The following FAM78B variants were observed in gnomAD, a reference collection of about 807,000 sequenced individuals.
The protein encoded by FAM78B is protein FAM78B.
FAM78B carries 10 observed loss-of-function variants against 20.0 expected under a neutral mutation model. That is an observed-to-expected ratio of 0.50 (90% CI 0.31 to 0.85). FAM78B has a LOEUF of 0.85. Among genes scored for constraint, FAM78B ranks in the 40% least tolerant of loss-of-function variants. The pLI, the probability that FAM78B is intolerant of heterozygous loss-of-function variation, is 0.05. For missense variants in FAM78B, 283 were observed against 345.0 expected (o/e 0.82, Z 1.42); for synonymous variants, 135 against 132.8 (o/e 1.02, Z -0.12).
Position 166,126,591 on chromosome 1 carries a change from C to G in FAM78B, c.263+39395G>C, listed in dbSNP as rs976853617. 2.6e-5 allele frequency among the ~76,000 whole-genome samples: 4 copies of G among 152,020 alleles called. No individual in the cohort carries two copies. In the East Asian group the frequency reaches 7.7e-4, roughly 29 times the overall value. On this transcript the variant is annotated intron_variant, in intron 1 of 1. Coordinates refer to ENST00000354422, the MANE Select transcript of FAM78B (RefSeq NM_001017961.5). ...CTGGGCAAAGGTCTAAAAGTGAGAG[C>G]ATGCTGGGGTGCTCAGGGAGTGGTA...
chr1:166,165,970 G>A lies in FAM78B; in HGVS notation c.263+16C>T, dbSNP rs1656359912. The A allele has an allele frequency of 1.9e-6, 3 of 1,613,384 alleles. No homozygotes were observed. The African/African-American group carries it at 4.0e-5, about 22-fold the overall frequency. On this transcript the variant is annotated intron_variant, in intron 1 of 1. Coordinates refer to ENST00000354422, the MANE Select transcript of FAM78B (RefSeq NM_001017961.5). Reference sequence around the variant, plus strand: ...GGCCCAGAGTCCGCTCCCGTGCCGCGCGGCGAGTCGCTTACATGCCCAGGT... The same window carrying A: ...GGCCCAGAGTCCGCTCCCGTGCCGCACGGCGAGTCGCTTACATGCCCAGGT...
At chr1:166,062,829 T>C (rs182954798) in intron 2 of FAM78B, among the ~76,000 whole-genome samples, 64 of 152,368 alleles carry the variant, frequency 4.2e-4, no homozygotes, top group African/African-American at 1.5e-3. Flanking sequence ...ATTTTTCCAA[T>C]TAACATTTCA....
chr1:166,070,761 G>C lies in FAM78B; in HGVS notation c.266C>G (p.Ser89Ter). The C allele has an allele frequency of 6.4e-7, 1 of 1,551,146 alleles. No homozygotes were observed. Among genetic ancestry groups the C allele is most frequent in the Non-Finnish European group, 8.7e-7 (1 of 1,151,610 alleles). Reference protein sequence around the residue: ...FFNTYSDLGMSSWELPDLREG... With the variant: ...FFNTYSDLGM ...CCTCAAGTCAGGCAGTTCCCAGCTT[G>C]ACCTGGCAAAGCAGAAGACATGCAC... Residue 89 changes from serine to a stop codon, truncating the protein, a stop_gained and splice_region_variant, in exon 2 of 2, where the codon TCA (serine) becomes TGA (stop). Coordinates refer to ENST00000354422, the MANE Select transcript of FAM78B (RefSeq NM_001017961.5). LOFTEE classifies it high-confidence loss of function.
intron 1 of FAM78B, among the ~76,000 whole-genome samples, chr1:166,101,650 G>T (rs1304293378): frequency 6.6e-6 from 1 of 152,192 alleles, no homozygotes; most frequent in African/African-American, 2.4e-5. Flanking sequence ...TGAGAAGGAA[G>T]TTTAGAGAAA....
At chr1:166,126,429 G>T (rs1448509926) in intron 1 of FAM78B, among the ~76,000 whole-genome samples, 1 of 152,202 alleles carries the variant, frequency 6.6e-6, no homozygotes, top group Non-Finnish European at 1.5e-5. Flanking sequence ...GGGAGAAATA[G>T]TATGGATGAA....
downstream of FAM78B, among the ~76,000 whole-genome samples, chr1:166,069,119 T>A (rs1157705491): frequency 6.6e-6 from 1 of 152,182 alleles, no homozygotes; most frequent in Non-Finnish European, 1.5e-5. Context: ...AATAAATATA[T>A]ATAAAAATAT....
chr1:166,121,356 T>C (rs1432614625), intron 1 of FAM78B, among the ~76,000 whole-genome samples: 2 of 152,136 alleles, frequency 1.3e-5, no homozygotes, highest in African/African-American at 4.8e-5. Context: ...CCCTGAGGGT[T>C]CACAGGGTAG....
intron 1 of FAM78B, among the ~76,000 whole-genome samples, chr1:166,073,026 T>C (rs1201125276): frequency 1.3e-5 from 2 of 152,170 alleles, no homozygotes; most frequent in Non-Finnish European, 2.9e-5. Context: ...AGTTTGGTCC[T>C]AGGTTTTTTG....
rs183855159 is a variant in FAM78B, at chr1:166,127,392, T to A, written c.263+38594A>T. Among the ~76,000 whole-genome samples the A allele has an allele frequency of 1.6e-3, 239 of 152,088 alleles. 1 individual carries two copies. Among genetic ancestry groups the A allele is most frequent in the African/African-American group, 5.4e-3 (225 of 41,488 alleles). The stretch of plus-strand genomic sequence containing the variant: ...TTTCTCCAGACTTTGAGCAGAAGGG[T>A]TTACCTACGACTGTGGAAGACCACC... On this transcript the variant is annotated intron_variant, in intron 1 of 1. Transcript: ENST00000354422.
At chr1:166,126,021 A>G (rs1654629612) in intron 1 of FAM78B, among the ~76,000 whole-genome samples, 1 of 151,970 alleles carries the variant, frequency 6.6e-6, no homozygotes, top group Non-Finnish European at 1.5e-5. Flanking sequence ...TAGTAGAGAC[A>G]GGGTTTCACC....
At chr1:166,111,052 C>T (rs1410047164) in intron 1 of FAM78B, among the ~76,000 whole-genome samples, 5 of 152,088 alleles carry the variant, frequency 3.3e-5, no homozygotes, top group Admixed American at 1.3e-4. Flanking sequence ...CAGCTTGGAG[C>T]ATGGAAAGTG....
intron 1 of FAM78B, among the ~76,000 whole-genome samples, chr1:166,083,799 CTTTTTT>C (rs33994343): frequency 9.7e-5 from 9 of 92,342 alleles, no homozygotes; most frequent in Non-Finnish European, 1.3e-4. Flanking sequence ...ACGCACCCAG[CTTTTTT>C]TTTTTTTTTT....
In FAM78B at chr1:166,102,851, AGC is replaced by A. The variant is rs1272588829; in HGVS notation, c.264-32090_264-32089del. Among the ~76,000 whole-genome samples the A allele has an allele frequency of 5.1e-3, 780 of 152,336 alleles. 12 individuals are homozygous for A. The highest frequency in any genetic ancestry group is 0.018 in the African/African-American group (759 of 41,562). On this transcript the variant is annotated intron_variant, in intron 1 of 1. Transcript: ENST00000354422. ...AGGAATTGAACTCAGCTCTGCACCA[AGC>A]AGACCTAATAGACATCTACAGAACT...
At chr1:166,057,487 T>A (rs1318209156) in exon 3 of FAM78B, 1 of 152,208 alleles carries the variant, frequency 6.6e-6, no homozygotes, top group African/African-American at 2.4e-5. Context: ...AGAAGTGAAA[T>A]GCAACATCTG....
At chr1:166,078,927 G>GTTTT (rs11345450) in intron 1 of FAM78B, among the ~76,000 whole-genome samples, 2 of 135,354 alleles carry the variant, frequency 1.5e-5, no homozygotes, top group Non-Finnish European at 1.6e-5. Context: ...GGCCTTACAT[G>GTTTT]TTTTTTTTTT....
At chr1:166,154,088 T>C (rs543850340) in intron 1 of FAM78B, among the ~76,000 whole-genome samples, 5 of 152,242 alleles carry the variant, frequency 3.3e-5, no homozygotes, top group African/African-American at 1.2e-4. Context: ...CTCCCATCTG[T>C]TCTGCTCCAC....
intron 1 of FAM78B, among the ~76,000 whole-genome samples, chr1:166,153,301 G>A (rs913153041): frequency 1.3e-5 from 2 of 152,228 alleles, no homozygotes; most frequent in African/African-American, 4.8e-5. Flanking sequence ...GGGGGATCCA[G>A]GGGTCTGGGG....
intron 1 of FAM78B, among the ~76,000 whole-genome samples, chr1:166,113,125 G>T (rs1315677774): frequency 6.6e-6 from 1 of 152,230 alleles, no homozygotes; most frequent in South Asian, 2.1e-4. Flanking sequence ...CCCTGCACAT[G>T]CTGTCCTGGT....
At chr1:166,086,365 ACT>A (rs1311184738) in intron 1 of FAM78B, among the ~76,000 whole-genome samples, 6 of 152,038 alleles carry the variant, frequency 3.9e-5, no homozygotes, top group Admixed American at 6.6e-5. Context: ...GAAGGGCAGG[ACT>A]CTGCTGCTGG....
Sources: allele counts gnomAD v4.1 joint callset (sites outside exome capture counted in the v4.1 genomes callset), GRCh38; gene constraint gnomAD v4.1.1; transcripts MANE v1.5; gene names NCBI Gene and HGNC (gene_info 2026-07-23, HGNC 2026-07-21).